Variants in ABCF2 observed in about 807,000 individuals in gnomAD.
The protein encoded by ABCF2 is ATP-binding cassette sub-family F member 2.
A neutral mutation model predicts 76.9 loss-of-function variants in ABCF2; 37 were observed. The ratio of observed to expected loss-of-function variants is 0.48; its 90% CI spans 0.37 to 0.63. ABCF2 has a LOEUF of 0.63. Ranked by LOEUF, ABCF2 falls within the 30% of genes least tolerant of loss-of-function variation. The pLI, the probability that ABCF2 is intolerant of heterozygous loss-of-function variation, is 0.00. For missense variants in ABCF2, 524 were observed against 782.1 expected (o/e 0.67, Z 3.94); for synonymous variants, 299 against 283.7 (o/e 1.05, Z -0.54).
intron 10 of ABCF2, 129 bp from the exon 11 acceptor site, chr7:151,218,320 A>G (rs966155248): frequency 4.1e-6 from 3 of 734,690 alleles, no homozygotes; most frequent in African/African-American, 3.5e-5. Context: ...GGAAGCACTC[A>G]TAGCAGACCC....
At chr7:151,218,216 G>A in intron 10 of ABCF2, 25 bp from the exon 11 acceptor site, 1 of 1,502,728 alleles carries the variant, frequency 6.7e-7, no homozygotes, top group Non-Finnish European at 9.3e-7. Flanking sequence ...AGAGAGATGT[G>A]GACACAAGGC....
chr7:151,211,730 G>C lies in ABCF2; in HGVS notation c.*2324C>G. ...CATTATCCCAGCAGCCCACTCTCCA[G>C]ATGCCATTCTCCCCTGAACCAAGGC... On this transcript the variant is annotated 3_prime_UTR_variant, in exon 15 of 15. Transcript: ENST00000287844. 1 of 985,334 alleles carries C rather than the reference G, an allele frequency of 1.0e-6. No individual in the cohort carries two copies. The highest frequency in any genetic ancestry group is 1.2e-6 in the Non-Finnish European group (1 of 829,900). 61.0% of individuals were successfully genotyped at this position (985,334 alleles called of 1,614,324 possible).
chr7:151,223,861 G>A lies in ABCF2; in HGVS notation c.551-12C>T, dbSNP rs751082225. Reference sequence around the variant, plus strand: ...CTTCTCACACTCCGCTGTGGACAGTGTATGGCCATGAGGCTCCTGGGGGCC... The same window carrying A: ...CTTCTCACACTCCGCTGTGGACAGTATATGGCCATGAGGCTCCTGGGGGCC... On this transcript the variant is annotated splice_polypyrimidine_tract_variant and intron_variant, in intron 4 of 14. Transcript: ENST00000287844. 1 of 1,608,724 alleles carries A rather than the reference G, an allele frequency of 6.2e-7. No individual in the cohort carries two copies. Among genetic ancestry groups the A allele is most frequent in the South Asian group, 1.1e-5 (1 of 90,908 alleles).
chr7:151,224,887 C>T lies in ABCF2; in HGVS notation c.256G>A (p.Val86Ile), dbSNP rs1563618690. 6.2e-7 allele frequency: 1 copy of T among 1,614,196 alleles called. No individual in the cohort carries two copies. Among genetic ancestry groups the T allele is most frequent in the East Asian group, 2.2e-5 (1 of 44,886 alleles). Residue 86 changes from valine to isoleucine, a missense_variant, in exon 3 of 15, where the codon GTT becomes ATT. By Grantham distance (29) the Val-to-Ile change is conservative. Around this residue, in one of 2 missense-constraint regions of ABCF2, gnomAD observed 330 missense variants for 433.6 expected, o/e 0.76. Coordinates refer to ENST00000287844, the MANE Select transcript of ABCF2 (RefSeq NM_007189.3). ...GTAAGTGAGAGGTTGATGATGTGAA[C>T]ATCAGTACTGTTGGGGTGAGAGGCC... Reference protein sequence around the residue: ...VLASHPNSTDVHIINLSLTFH... With the variant: ...VLASHPNSTDIHIINLSLTFH...
intron 11 of ABCF2, among the ~76,000 whole-genome samples, chr7:151,216,578 G>A (rs149249209): frequency 1.1e-3 from 162 of 152,314 alleles, no homozygotes; most frequent in Admixed American, 2.7e-3. Context: ...AGGCTGGAGT[G>A]CAGTGGCGAG....
At position 151,213,543 on chromosome 7, in the gene ABCF2, A is replaced by C; in HGVS notation, c.*511T>G. 1 of 986,064 alleles carries C rather than the reference A, an allele frequency of 1.0e-6. No individual in the cohort carries two copies. The highest frequency in any genetic ancestry group is 1.2e-6 in the Non-Finnish European group (1 of 830,480). The allele number at this position is 986,064 out of a possible 1,614,324, so 61.1% of individuals were successfully genotyped here. A position where few individuals can be genotyped will look rare whatever the true frequency, so the allele number is the denominator to read the frequency against. ...TCTTTCTTTATTGGGCGCTTTGTAG[A>C]TGTCACGCAGGTCTAAAAGTTACAC... is the stretch of plus-strand genomic sequence containing the variant. On this transcript the variant is annotated 3_prime_UTR_variant, in exon 15 of 15. Transcript: ENST00000287844.
chr7:151,212,534 C>A lies in ABCF2; in HGVS notation c.*1520G>T, dbSNP rs564578135. The A allele has an allele frequency of 7.2e-6, 7 of 974,906 alleles. No individual in the cohort carries two copies. In the South Asian group the frequency reaches 3.3e-4, roughly 46 times the overall value. 60.4% of individuals were successfully genotyped at this position (974,906 alleles called of 1,614,324 possible). On this transcript the variant is annotated 3_prime_UTR_variant, in exon 15 of 15. Transcript: ENST00000287844. ...TATTTTTTTGAGACAGTGTCTCGGTCTGTCATCAGGCTGGAGTGTAGCGGC... is the reference window on the plus strand; with the variant it reads ...TATTTTTTTGAGACAGTGTCTCGGTATGTCATCAGGCTGGAGTGTAGCGGC...
intron 5 of ABCF2, 98 bp downstream of exon 5, chr7:151,223,580 T>C: frequency 1.5e-6 from 2 of 1,371,244 alleles, no homozygotes; most frequent in Non-Finnish European, 2.0e-6. Flanking sequence ...ATTTGACACT[T>C]ACCACTGACT....
At chr7:151,222,376 C>T (rs1460038636) in intron 6 of ABCF2, 145 bp downstream of exon 6, 11 of 555,044 alleles carry the variant, frequency 2.0e-5, no homozygotes, top group Non-Finnish European at 3.2e-5. Context: ...CCTAAAGGTG[C>T]TCACTGCTTG....
chr7:151,222,512 C>T lies in ABCF2; in HGVS notation c.818+9G>A, dbSNP rs1802289299. 2 of 1,612,042 alleles carry T rather than the reference C, an allele frequency of 1.2e-6. No individual in the cohort carries two copies. Among genetic ancestry groups the T allele is most frequent in the Non-Finnish European group, 1.7e-6 (2 of 1,178,368 alleles). On this transcript the variant is annotated intron_variant, in intron 6 of 14. Coordinates refer to ENST00000287844, the MANE Select transcript of ABCF2 (RefSeq NM_007189.3). ...CTGCCCGCTCACATCCCCCATTCCA[C>T]CCTCTTACGTTTTTAGTTCTTCTTC...
At chr7:151,223,519 T>C (rs1050079320) in intron 5 of ABCF2, among the ~76,000 whole-genome samples, 159 bp downstream of exon 5, 2 of 152,166 alleles carry the variant, frequency 1.3e-5, no homozygotes. Flanking sequence ...GGAAGCTCTC[T>C]CTCTAGCCCA....
In ABCF2 at chr7:151,213,957, C is replaced by A; in HGVS notation, c.*97G>T. The A allele has an allele frequency of 6.4e-7, 1 of 1,550,600 alleles. No individual in the cohort carries two copies. Among genetic ancestry groups the A allele is most frequent in the South Asian group, 1.3e-5 (1 of 79,686 alleles). Reference sequence around the variant, plus strand: ...CTGGGGGAGCAGTATTGCAGCAATGCAGGAGTGTAGCCCCAGGGTCCTGTC... The same window carrying A: ...CTGGGGGAGCAGTATTGCAGCAATGAAGGAGTGTAGCCCCAGGGTCCTGTC... On this transcript the variant is annotated 3_prime_UTR_variant, in exon 15 of 15. Coordinates refer to ENST00000287844, the MANE Select transcript of ABCF2 (RefSeq NM_007189.3).
Position 151,211,916 on chromosome 7 carries a change from T to C in ABCF2, c.*2138A>G, listed in dbSNP as rs1393338637. ...TGTCCCTGTTGCCCAGGGCAGCTCC[T>C]GGACTTTGTGGCCATCTGAGAAGAT... On this transcript the variant is annotated 3_prime_UTR_variant, in exon 15 of 15. Coordinates refer to ENST00000287844, the MANE Select transcript of ABCF2 (RefSeq NM_007189.3). 6.1e-6 allele frequency: 6 copies of C among 985,332 alleles called. No individual in the cohort carries two copies. The highest frequency in any genetic ancestry group is 4.7e-5 in the South Asian group (1 of 21,294). 61.0% of individuals were successfully genotyped at this position (985,332 alleles called of 1,614,324 possible). A position where few individuals can be genotyped will look rare whatever the true frequency, so the allele number is the denominator to read the frequency against.
Position 151,224,756 on chromosome 7 carries a change from C to T in ABCF2, c.367+20G>A. ...TGAGCTAAGGAGAGATACCTCCCAC[C>T]TCCCCTTCCAAGGCCTCACCAATTC... On this transcript the variant is annotated intron_variant, in intron 3 of 14. Transcript: ENST00000287844. 6.2e-7 allele frequency: 1 copy of T among 1,606,822 alleles called. No homozygotes were observed. The highest frequency in any genetic ancestry group is 8.5e-7 in the Non-Finnish European group (1 of 1,173,368).
intron 7 of ABCF2, 66 bp from the exon 8 acceptor site, chr7:151,219,225 C>T: frequency 8.4e-6 from 12 of 1,425,362 alleles, no homozygotes; most frequent in Non-Finnish European, 1.2e-5. Flanking sequence ...GATTCTCACT[C>T]AGAGTTTAGG....
At position 151,214,072 on chromosome 7, in the gene ABCF2, C is replaced by T; in HGVS notation, c.1854G>A (p.Lys618=). 6.2e-7 allele frequency: 1 copy of T among 1,614,070 alleles called. No individual in the cohort carries two copies. The highest frequency in any genetic ancestry group is 8.5e-7 in the Non-Finnish European group (1 of 1,180,012). Residue 618 remains lysine (K), a synonymous_variant, in exon 15 of 15, where the codon AAG becomes AAA. Transcript: ENST00000287844. This position sits in a 1 kb window ranked among gnomAD's most constrained non-coding sequence, Gnocchi z 4.9. ...AGAGGGCTCACACGTTGTGGGTCCT[C>T]TTGGTGAGCTGGGGCTCCTCATCCA... ...KLVDEEPQLT[K]RTHNV
In ABCF2 at chr7:151,224,023, A is replaced by G; in HGVS notation, c.459T>C (p.Pro153=). ...CACAATGCAAGGGTGTCTTGTCACT[A>G]GGGGGCATCTCTCGAGTCAGATGGT... is the stretch of plus-strand genomic sequence containing the variant. The part of the protein sequence containing the change: ...DIYHLTREMP[P]SDKTPLHCVM... The change falls in exon 4 of 15, where the codon CCT becomes CCC. Residue 153 remains proline (P), a synonymous_variant. Coordinates refer to ENST00000287844, the MANE Select transcript of ABCF2 (RefSeq NM_007189.3). 1.2e-6 allele frequency: 2 copies of G among 1,614,116 alleles called. No individual in the cohort carries two copies. The highest frequency in any genetic ancestry group is 8.5e-7 in the Non-Finnish European group (1 of 1,179,990).
Position 151,226,488 on chromosome 7 carries a change from T to A in ABCF2, c.-30A>T. The A allele has an allele frequency of 6.2e-7, 1 of 1,604,900 alleles. No homozygotes were observed. On this transcript the variant is annotated 5_prime_UTR_variant, in exon 2 of 15. Transcript: ENST00000287844. ...ATGACCCACAGGGGTAGGTTACTGTTGTTTCAGGGAGCCTGAAGGAAGGCA... is the reference window on the plus strand; with the variant it reads ...ATGACCCACAGGGGTAGGTTACTGTAGTTTCAGGGAGCCTGAAGGAAGGCA...
chr7:151,223,944 C>T lies in ABCF2; in HGVS notation c.538G>A (p.Ala180Thr), dbSNP rs770240737. Residue 180 changes from alanine to threonine, a missense_variant, in exon 4 of 15, where the codon GCT (alanine) becomes ACT (threonine). By Grantham distance (58) the Ala-to-Thr change is moderately conservative. Transcript: ENST00000287844. ...AMLEKEAERL[A>T]HEDAECEKLM... is the part of the protein sequence containing the mutation. ...TCTGGAGCCCTACCATCCTCATGAG[C>T]CAGCCGCTCTGCCTCTTTCTCCAGC... is the stretch of plus-strand genomic sequence containing the variant. The T allele has an allele frequency of 6.2e-7, 1 of 1,613,096 alleles. No homozygotes were observed. Among genetic ancestry groups the T allele is most frequent in the Non-Finnish European group, 8.5e-7 (1 of 1,179,344 alleles).
Sources: allele counts gnomAD v4.1 joint callset (sites outside exome capture counted in the v4.1 genomes callset), GRCh38; gene constraint gnomAD v4.1.1; regional missense constraint gnomAD v4.1.1; non-coding constraint Gnocchi (gnomAD v3.1); transcripts MANE v1.5; gene names NCBI Gene and HGNC (gene_info 2026-07-23, HGNC 2026-07-21).